Variants in PPCDC observed in about 807,000 individuals in gnomAD.
The protein encoded by PPCDC is phosphopantothenoylcysteine decarboxylase.
PPCDC carries 20 observed loss-of-function variants against 20.7 expected under a neutral mutation model. The ratio of observed to expected loss-of-function variants is 0.97; its 90% CI spans 0.68 to 1.41. The LOEUF is 1.41. Ranked by LOEUF, PPCDC falls within the 40% of genes most tolerant of loss-of-function variation. The pLI is 0.00. For missense variants in PPCDC, 246 were observed against 263.8 expected (o/e 0.93, Z 0.47); for synonymous variants, 88 against 100.3 (o/e 0.88, Z 0.73).
chr15:75,043,812 G>T, intron 3 of PPCDC: 1 of 420,740 alleles, frequency 2.4e-6, no homozygotes, highest in Admixed American at 4.0e-5. Flanking sequence ...AACCACAGAG[G>T]AGCTCTGTTC....
At chr15:75,035,915 C>T (rs73438537) in intron 2 of PPCDC, among the ~76,000 whole-genome samples, 20,318 of 147,756 alleles carry the variant, frequency 0.14, 1,921 homozygotes, top group East Asian at 0.4. Context: ...TGCAGTGAGC[C>T]GAGATAGTGT....
chr15:75,027,641 G>A (rs1340329782), intron 1 of PPCDC, among the ~76,000 whole-genome samples: 2 of 152,016 alleles, frequency 1.3e-5, no homozygotes, highest in Non-Finnish European at 2.9e-5. Flanking sequence ...CCAGTCCACC[G>A]CAGCAGCTCC....
intron 2 of PPCDC, among the ~76,000 whole-genome samples, chr15:75,028,852 C>T (rs1421451665): frequency 6.6e-6 from 1 of 152,150 alleles, no homozygotes; most frequent in East Asian, 1.9e-4. Context: ...TTGAACACTG[C>T]GGCTGTGTTC....
intron 4 of PPCDC, among the ~76,000 whole-genome samples, chr15:75,045,496 A>G (rs1056033820): frequency 6.6e-6 from 1 of 152,204 alleles, no homozygotes; most frequent in Non-Finnish European, 1.5e-5. Flanking sequence ...TTTTGCGAGT[A>G]GCTGGGAGTT....
At position 75,033,523 on chromosome 15, in the gene PPCDC, G is replaced by T. The variant is rs897881183; in HGVS notation, c.135+5070G>T. 6.1e-5 allele frequency among the ~76,000 whole-genome samples: 9 copies of T among 148,448 alleles called. No individual in the cohort carries two copies. The South Asian group carries it at 6.4e-4, about 10-fold the overall frequency. On this transcript the variant is annotated intron_variant, in intron 2 of 5. Coordinates refer to ENST00000342932, the MANE Select transcript of PPCDC (RefSeq NM_021823.5). ...TATATTTGTGTGTGTGTGTTTTTTTGTTTGTTTGTTTGTTTTAAGTCAGTG... is the reference window on the plus strand; with the variant it reads ...TATATTTGTGTGTGTGTGTTTTTTTTTTTGTTTGTTTGTTTTAAGTCAGTG...
At chr15:75,039,195 C>A (rs912320188) in intron 2 of PPCDC, among the ~76,000 whole-genome samples, 2 of 152,198 alleles carry the variant, frequency 1.3e-5, no homozygotes, top group Non-Finnish European at 2.9e-5. Context: ...ACTTGGTACT[C>A]ATCTGGTATT....
chr15:75,037,315 T>G (rs941543802), intron 2 of PPCDC, among the ~76,000 whole-genome samples: 3 of 152,114 alleles, frequency 2.0e-5, no homozygotes, highest in Admixed American at 6.5e-5. Flanking sequence ...AAGAATGTGG[T>G]CCAGAGCCCC....
At chr15:75,027,985 C>G (rs930538269) in intron 1 of PPCDC, among the ~76,000 whole-genome samples, 2 of 152,316 alleles carry the variant, frequency 1.3e-5, no homozygotes, top group Non-Finnish European at 1.5e-5. Flanking sequence ...TTCTGGGATG[C>G]AATCTCTGAC....
rs925518428 is a variant in PPCDC, at chr15:75,038,573, A to G, written c.136-4868A>G. Among the ~76,000 whole-genome samples, 3 of 152,280 alleles carry G rather than the reference A, an allele frequency of 2.0e-5. No homozygotes were observed. The East Asian group carries it at 5.8e-4, about 29-fold the overall frequency. ...TTGCTGATTGCAAACTCCATACATC[A>G]GCAGAGGGATGTGGCCACCAGAAGA... On this transcript the variant is annotated intron_variant, in intron 2 of 5. Transcript: ENST00000342932.
At chr15:75,035,629 A>T (rs2066075532) in intron 2 of PPCDC, among the ~76,000 whole-genome samples, 1 of 152,220 alleles carries the variant, frequency 6.6e-6, no homozygotes, top group Admixed American at 6.5e-5. Context: ...AGCCTCAGTC[A>T]CATACACAAA....
intron 2 of PPCDC, among the ~76,000 whole-genome samples, chr15:75,039,541 C>T (rs2066127879): frequency 6.6e-6 from 1 of 152,178 alleles, no homozygotes; most frequent in African/African-American, 2.4e-5. Context: ...CAGCTATCTG[C>T]CTCATGCTCA....
At chr15:75,040,094 C>T (rs1283435239) in intron 2 of PPCDC, among the ~76,000 whole-genome samples, 7 of 151,264 alleles carry the variant, frequency 4.6e-5, no homozygotes, top group Non-Finnish European at 1.0e-4. Context: ...CTCTTCTCTT[C>T]TATTCCTTGA....
intron 3 of PPCDC, 159 bp downstream of exon 3, chr15:75,043,695 C>A: frequency 3.0e-6 from 2 of 663,734 alleles, no homozygotes; most frequent in Non-Finnish European, 5.1e-6. Flanking sequence ...AAACATCTGT[C>A]TAGCTTCTGG....
intron 3 of PPCDC, 61 bp downstream of exon 3, chr15:75,043,597 C>A: frequency 7.2e-7 from 1 of 1,395,626 alleles, no homozygotes; most frequent in South Asian, 1.2e-5. Context: ...ACAGAACAGT[C>A]CTCCCTACGG....
chr15:75,044,857 C>A, intron 4 of PPCDC: 1 of 274,756 alleles, frequency 3.6e-6, no homozygotes, highest in Non-Finnish European at 7.1e-6. Flanking sequence ...CTGTCTCTGC[C>A]CAGCCCCATC....
chr15:75,030,803 G>C (rs2066011800), intron 2 of PPCDC, among the ~76,000 whole-genome samples: 2 of 152,182 alleles, frequency 1.3e-5, no homozygotes. Context: ...GGGCTGCAGG[G>C]AGCTGGGGGA....
chr15:75,028,855 C>T (rs1203528222), intron 2 of PPCDC, among the ~76,000 whole-genome samples: 1 of 152,182 alleles, frequency 6.6e-6, no homozygotes, highest in Non-Finnish European at 1.5e-5. Flanking sequence ...AACACTGCGG[C>T]TGTGTTCTCC....
chr15:75,027,358 A>G (rs1212491572), intron 1 of PPCDC, among the ~76,000 whole-genome samples: 1 of 152,110 alleles, frequency 6.6e-6, no homozygotes, highest in Non-Finnish European at 1.5e-5. Flanking sequence ...TCCATCAGCC[A>G]TATTATCATG....
At chr15:75,036,455 G>C (rs565343957) in intron 2 of PPCDC, among the ~76,000 whole-genome samples, 2 of 152,318 alleles carry the variant, frequency 1.3e-5, no homozygotes, top group African/African-American at 2.4e-5. Flanking sequence ...AGGAGAGTCA[G>C]CTGCTTCAGT....
Sources: allele counts gnomAD v4.1 joint callset (sites outside exome capture counted in the v4.1 genomes callset), GRCh38; gene constraint gnomAD v4.1.1; transcripts MANE v1.5; gene names NCBI Gene and HGNC (gene_info 2026-07-23, HGNC 2026-07-21).